Variants in KIAA1328 observed in about 807,000 individuals in gnomAD.
The protein encoded by KIAA1328 is KIAA1328, also known as protein hinderin.
In KIAA1328, 52 loss-of-function variants were observed where a neutral mutation model predicts 68.1. The observed-to-expected ratio is 0.76, with a 90% CI of 0.61 to 0.96. The LOEUF is 0.96. Among genes scored for constraint, KIAA1328 ranks in the 40% least tolerant of loss-of-function variants. KIAA1328 has a pLI of 0.00. For missense variants in KIAA1328, 641 were observed against 677.6 expected (o/e 0.95, Z 0.60); for synonymous variants, 232 against 239.4 (o/e 0.97, Z 0.28).
intron 5 of KIAA1328, among the ~76,000 whole-genome samples, chr18:36,942,310 G>T (rs941874325): frequency 6.6e-6 from 1 of 152,186 alleles, no homozygotes; most frequent in Non-Finnish European, 1.5e-5. Context: ...TGCTCAAATT[G>T]CTTCCAAATA....
chr18:37,018,908 A>C (rs2054242644), intron 6 of KIAA1328, among the ~76,000 whole-genome samples: 1 of 151,430 alleles, frequency 6.6e-6, no homozygotes, highest in Non-Finnish European at 1.5e-5. Flanking sequence ...CATGCTTTGG[A>C]TTCTTTATCT....
At position 37,036,303 on chromosome 18, in the gene KIAA1328, G is replaced by C. The variant is rs189926579; in HGVS notation, c.577-30587G>C. On this transcript the variant is annotated intron_variant, in intron 6 of 9. Coordinates refer to ENST00000280020, the MANE Select transcript of KIAA1328 (RefSeq NM_020776.3). ...GTTTGTCCTGACCTTCTCTCTGTAA[G>C]AGAAAGTTTTTGTTCACAAAGTAAT... Among the ~76,000 whole-genome samples the C allele has an allele frequency of 2.0e-5, 3 of 152,312 alleles. No homozygotes were observed. In the East Asian group the frequency reaches 5.8e-4, roughly 29 times the overall value.
chr18:36,973,482 TA>T (rs1169350294), intron 6 of KIAA1328, among the ~76,000 whole-genome samples: 2 of 152,028 alleles, frequency 1.3e-5, no homozygotes, highest in South Asian at 2.1e-4. Context: ...ATAATAATAA[TA>T]AAAAATTTTG....
chr18:36,942,713 C>G (rs2050759532), intron 5 of KIAA1328, among the ~76,000 whole-genome samples: 1 of 152,106 alleles, frequency 6.6e-6, no homozygotes, highest in South Asian at 2.1e-4. Flanking sequence ...ACCCACTAGA[C>G]CTTGCATTTC....
chr18:37,200,797 G>A (rs193033235), intron 9 of KIAA1328, among the ~76,000 whole-genome samples: 3,407 of 142,368 alleles, frequency 0.024, 113 homozygotes, highest in African/African-American at 0.083. Flanking sequence ...CGGCCTGGGC[G>A]ACAGAGCGAG....
intron 5 of KIAA1328, among the ~76,000 whole-genome samples, chr18:36,943,479 A>G (rs1026239354): frequency 2.0e-5 from 3 of 152,344 alleles, no homozygotes; most frequent in African/African-American, 7.2e-5. Flanking sequence ...ATCACTGATA[A>G]TGTTAAGTCC....
At chr18:37,051,076 G>C (rs889415856) in intron 6 of KIAA1328, among the ~76,000 whole-genome samples, 2 of 152,108 alleles carry the variant, frequency 1.3e-5, no homozygotes, top group Non-Finnish European at 2.9e-5. Flanking sequence ...AAGGTCTTTT[G>C]ACCCTACATT....
At chr18:37,114,347 T>C (rs1017195816) in intron 7 of KIAA1328, among the ~76,000 whole-genome samples, 5 of 152,166 alleles carry the variant, frequency 3.3e-5, no homozygotes, top group African/African-American at 4.8e-5. Context: ...AACTCAGGAT[T>C]AAGAAACTCA....
chr18:37,224,215 TC>T lies in KIAA1328; in HGVS notation c.*1990del. On this transcript the variant is annotated 3_prime_UTR_variant, in exon 10 of 10. Transcript: ENST00000280020. Reference sequence around the variant, plus strand: ...CAGTCACCCATTCCAGACTCCAGTGTCCTTAAAACTCTGGAGTGAGAGGATG... The same window carrying T: ...CAGTCACCCATTCCAGACTCCAGTGTCTTAAAACTCTGGAGTGAGAGGATG... 2 of 985,438 alleles carry T rather than the reference TC, an allele frequency of 2.0e-6. No homozygotes were observed. Among genetic ancestry groups the T allele is most frequent in the South Asian group, 9.4e-5 (2 of 21,286 alleles). 61.0% of individuals were successfully genotyped at this position (985,438 alleles called of 1,614,324 possible). A position where few individuals can be genotyped will look rare whatever the true frequency, so the allele number is the denominator to read the frequency against.
intron 8 of KIAA1328, among the ~76,000 whole-genome samples, chr18:37,160,604 T>A (rs1238640358): frequency 1.3e-5 from 2 of 152,196 alleles, no homozygotes; most frequent in Admixed American, 1.3e-4. Flanking sequence ...CTTGTCCCTC[T>A]TTTTGCAAGC....
At chr18:37,097,959 TAAG>T (rs2057464775) in intron 7 of KIAA1328, among the ~76,000 whole-genome samples, 1 of 152,194 alleles carries the variant, frequency 6.6e-6, no homozygotes, top group Admixed American at 6.5e-5. Flanking sequence ...CTTATCAGCT[TAAG>T]GAGATTTTGG....
chr18:36,942,152 C>T (rs1467195964), intron 5 of KIAA1328, among the ~76,000 whole-genome samples: 1 of 152,112 alleles, frequency 6.6e-6, no homozygotes, highest in Non-Finnish European at 1.5e-5. Context: ...GTAGGTATGG[C>T]TTATAACACA....
chr18:37,160,436 C>A, intron 8 of KIAA1328, 55 bp downstream of exon 8: 2 of 1,477,134 alleles, frequency 1.4e-6, no homozygotes, highest in Non-Finnish European at 1.8e-6. Context: ...AAGGTAGTTG[C>A]TAGCCAATGA....
Position 37,067,287 on chromosome 18 carries a change from C to A in KIAA1328, c.974C>A (p.Pro325His). 6.2e-7 allele frequency: 1 copy of A among 1,614,006 alleles called. No individual in the cohort carries two copies. Among genetic ancestry groups the A allele is most frequent in the Non-Finnish European group, 8.5e-7 (1 of 1,179,886 alleles). The change falls in exon 7 of 10, where the codon CCT becomes CAT. Residue 325 changes from proline to histidine, a missense_variant. Coordinates refer to ENST00000280020, the MANE Select transcript of KIAA1328 (RefSeq NM_020776.3). ...GACAGCCATCCTACAAACATGACCC[C>A]TCAACATCCTAAGACACATCCAGAA... ...VHDSHPTNMTPQHPKTHPESC... is the reference protein window; with the variant it reads ...VHDSHPTNMTHQHPKTHPESC...
Position 37,222,434 on chromosome 18 carries a change from T to A in KIAA1328, c.*207T>A. On this transcript the variant is annotated 3_prime_UTR_variant, in exon 10 of 10. Transcript: ENST00000280020. Reference sequence around the variant, plus strand: ...GGCATTCGATAACACACTAAGGGGGTAGGAATGGAAGATGGTATCTTTTAT... The same window carrying A: ...GGCATTCGATAACACACTAAGGGGGAAGGAATGGAAGATGGTATCTTTTAT... 1 of 1,411,206 alleles carries A rather than the reference T, an allele frequency of 7.1e-7. No homozygotes were observed. Among genetic ancestry groups the A allele is most frequent in the Non-Finnish European group, 9.2e-7 (1 of 1,087,002 alleles). The allele number at this position is 1,411,206 out of a possible 1,614,324, so 87.4% of individuals were successfully genotyped here. A position where few individuals can be genotyped will look rare whatever the true frequency, so the allele number is the denominator to read the frequency against.
At chr18:37,005,444 A>AC (rs1226075476) in intron 6 of KIAA1328, among the ~76,000 whole-genome samples, 4 of 151,060 alleles carry the variant, frequency 2.6e-5, no homozygotes, top group Non-Finnish European at 4.4e-5. Context: ...AAAAAAAAAA[A>AC]AACAAGTAGC....
At chr18:36,829,327 G>T in intron 1 of KIAA1328, 131 bp downstream of exon 1, 1 of 1,399,690 alleles carries the variant, frequency 7.1e-7, no homozygotes, top group Non-Finnish European at 9.2e-7. Context: ...GTGCTGCTCG[G>T]CCCCAGTCTA....
At chr18:37,150,427 C>G (rs1251794086) in intron 7 of KIAA1328, among the ~76,000 whole-genome samples, 2 of 152,082 alleles carry the variant, frequency 1.3e-5, no homozygotes, top group Non-Finnish European at 2.9e-5. Flanking sequence ...TTCTGTCCTC[C>G]TACCACACTT....
intron 6 of KIAA1328, among the ~76,000 whole-genome samples, chr18:37,041,656 G>A (rs1379343452): frequency 3.3e-5 from 5 of 151,406 alleles, no homozygotes; most frequent in Non-Finnish European, 7.4e-5. Flanking sequence ...GTGTGTGTGT[G>A]TGTGTGTGTG....
Sources: allele counts gnomAD v4.1 joint callset (sites outside exome capture counted in the v4.1 genomes callset), GRCh38; gene constraint gnomAD v4.1.1; transcripts MANE v1.5; gene names NCBI Gene and HGNC (gene_info 2026-07-23, HGNC 2026-07-21).